GPC5: variants seen among roughly 807,000 people sequenced by gnomAD.
GPC5 encodes the protein glypican 5, also known as glypican-5.
A neutral mutation model predicts 53.9 loss-of-function variants in GPC5; 47 were observed. The ratio of observed to expected loss-of-function variants is 0.87; its 90% CI spans 0.69 to 1.11. GPC5 has a LOEUF of 1.11. GPC5 is among the 50% of genes most tolerant of loss of function. The probability of loss-of-function intolerance (pLI) is 0.00; values close to 1 mark genes in which losing one functional copy is unlikely to be tolerated. For missense variants in GPC5, 748 were observed against 713.1 expected, an observed-to-expected ratio of 1.05 and a Z score of -0.56; for synonymous variants, 286 against 263.3, an observed-to-expected ratio of 1.09 and a Z score of -0.84.
chr13:91,595,398 T>C (rs2032958455), intron 2 of GPC5, among the ~76,000 whole-genome samples: 1 of 152,202 alleles, frequency 6.6e-6, no homozygotes, highest in Non-Finnish European at 1.5e-5. Flanking sequence ...TCATCACAAA[T>C]TTTTATCTCT....
chr13:91,485,355 G>A (rs1041742282), intron 2 of GPC5, among the ~76,000 whole-genome samples: 7 of 151,930 alleles, frequency 4.6e-5, no homozygotes, highest in Admixed American at 4.6e-4. Context: ...TGGGATTACA[G>A]GTGCATACCA....
chr13:92,055,061 G>A (rs1323069075), intron 6 of GPC5, among the ~76,000 whole-genome samples: 1 of 152,150 alleles, frequency 6.6e-6, no homozygotes, highest in Non-Finnish European at 1.5e-5. Flanking sequence ...CTAAATAACA[G>A]CACTATTTCT....
chr13:92,747,974 T>C (rs915527885), intron 7 of GPC5, among the ~76,000 whole-genome samples: 2 of 152,282 alleles, frequency 1.3e-5, no homozygotes, highest in East Asian at 1.9e-4. Context: ...TACATATATA[T>C]GTACATTTAA....
chr13:91,783,211 T>C (rs2037825398), intron 5 of GPC5, among the ~76,000 whole-genome samples: 1 of 151,718 alleles, frequency 6.6e-6, no homozygotes, highest in Admixed American at 6.6e-5. Flanking sequence ...CTGAGATCGC[T>C]CCACTGCACT....
chr13:91,732,193 C>T (rs2036714529), intron 4 of GPC5, among the ~76,000 whole-genome samples: 1 of 152,172 alleles, frequency 6.6e-6, no homozygotes, highest in East Asian at 1.9e-4. Context: ...TCTCCAGCAT[C>T]TGTTGTTTTC....
intron 7 of GPC5, among the ~76,000 whole-genome samples, chr13:92,499,072 T>C (rs1192046205): frequency 6.6e-6 from 1 of 151,662 alleles, no homozygotes; most frequent in East Asian, 1.9e-4. Flanking sequence ...TGAAGAAAAA[T>C]AGAGAGGATC....
chr13:92,796,185 A>G (rs917891499), intron 7 of GPC5, among the ~76,000 whole-genome samples: 1 of 152,164 alleles, frequency 6.6e-6, no homozygotes, highest in South Asian at 2.1e-4. Flanking sequence ...TGCAACCATA[A>G]AAAAGGATGA....
At chr13:91,846,341 G>A (rs763292918) in intron 5 of GPC5, among the ~76,000 whole-genome samples, 5 of 151,604 alleles carry the variant, frequency 3.3e-5, no homozygotes, top group South Asian at 2.1e-4. Context: ...TCATAGTACC[G>A]CCTTAAATGC....
intron 7 of GPC5, among the ~76,000 whole-genome samples, chr13:92,651,452 G>C (rs1388471472): frequency 2.6e-5 from 4 of 152,024 alleles, no homozygotes; most frequent in Non-Finnish European, 5.9e-5. Flanking sequence ...TCCCAATTGA[G>C]GGGCATTCTA....
chr13:92,042,721 G>T (rs572162864), intron 6 of GPC5, among the ~76,000 whole-genome samples: 2 of 152,220 alleles, frequency 1.3e-5, no homozygotes, highest in South Asian at 2.1e-4. Context: ...TGACTCATGC[G>T]CAAGAAAAAA....
At chr13:91,584,864 C>A (rs1423122540) in intron 2 of GPC5, among the ~76,000 whole-genome samples, 1 of 152,166 alleles carries the variant, frequency 6.6e-6, no homozygotes, top group East Asian at 1.9e-4. Flanking sequence ...CAGGCATGAG[C>A]CACTGTGCCA....
At chr13:91,638,905 A>C (rs1289891957) in intron 2 of GPC5, among the ~76,000 whole-genome samples, 1 of 152,252 alleles carries the variant, frequency 6.6e-6, no homozygotes, top group Non-Finnish European at 1.5e-5. Context: ...AAAACAAAAT[A>C]AGTAAATTAA....
At chr13:91,525,712 G>T (rs943742026) in intron 2 of GPC5, among the ~76,000 whole-genome samples, 1 of 152,068 alleles carries the variant, frequency 6.6e-6, no homozygotes, top group Non-Finnish European at 1.5e-5. Context: ...TGTTTCTTTT[G>T]ATTTAATATA....
intron 7 of GPC5, among the ~76,000 whole-genome samples, chr13:92,781,781 A>G (rs1434403719): frequency 3.9e-5 from 6 of 152,180 alleles, no homozygotes; most frequent in Non-Finnish European, 5.9e-5. Flanking sequence ...ATTTAAAAAT[A>G]TTTGCAAACA....
intron 6 of GPC5, among the ~76,000 whole-genome samples, chr13:92,031,742 ATAATATATATTATAT>A (rs2040846294): frequency 1.2e-5 from 1 of 85,172 alleles, no homozygotes; most frequent in African/African-American, 5.4e-5. Context: ...CATATTATAT[ATAATATATATTATAT>A]TACATATTAT....
intron 4 of GPC5, among the ~76,000 whole-genome samples, chr13:91,742,687 T>C (rs1241398533): frequency 6.6e-6 from 1 of 152,160 alleles, no homozygotes; most frequent in Non-Finnish European, 1.5e-5. Flanking sequence ...GCAACTATCA[T>C]ATCCAGTGGC....
intron 7 of GPC5, among the ~76,000 whole-genome samples, chr13:92,503,174 C>T (rs1329489450): frequency 1.3e-5 from 2 of 151,856 alleles, no homozygotes; most frequent in African/African-American, 2.4e-5. Context: ...TTTAGTGTAA[C>T]TATCATCCAA....
At chr13:92,814,776 A>G (rs1334236228) in intron 7 of GPC5, among the ~76,000 whole-genome samples, 4 of 152,018 alleles carry the variant, frequency 2.6e-5, no homozygotes, top group Non-Finnish European at 5.9e-5. Flanking sequence ...TGGTGATATT[A>G]TCATGTGGCA....
chr13:91,942,966 A>T lies in GPC5; in HGVS notation c.1401+34909A>T, dbSNP rs1190070865. On this transcript the variant is annotated intron_variant, in intron 6 of 7. Coordinates refer to ENST00000377067, the MANE Select transcript of GPC5 (RefSeq NM_004466.6). ...ACACCATGCTGCATAAATGATAAAT[A>T]ATTATATCATTCATTAATAAGGAAT... Among the ~76,000 whole-genome samples the T allele has an allele frequency of 2.6e-5, 4 of 152,270 alleles. No homozygotes were observed. In the East Asian group the frequency reaches 7.7e-4, roughly 29 times the overall value.
Sources: gnomAD v4.1 joint callset for allele counts (sites outside exome capture counted in the v4.1 genomes callset) on GRCh38, gnomAD v4.1.1 for gene constraint, MANE v1.5 for transcripts, NCBI Gene and HGNC (gene_info 2026-07-23, HGNC 2026-07-21) for gene names.